Variants in TUSC3 observed in about 807,000 individuals in gnomAD.
TUSC3 encodes tumor suppressor candidate 3.
Under a neutral mutation model 44.8 loss-of-function variants are expected in TUSC3, and 45 were observed. The observed-to-expected ratio is 1.00, with a 90% CI of 0.79 to 1.29. TUSC3 has a LOEUF of 1.29. TUSC3 is among the 50% of genes most tolerant of loss of function. The probability of loss-of-function intolerance (pLI) is 0.00; values close to 1 mark genes in which losing one functional copy is unlikely to be tolerated. For missense variants in TUSC3, 519 were observed against 437.9 expected (o/e 1.19, Z -1.65); for synonymous variants, 212 against 152.9 (o/e 1.39, Z -2.85).
At chr8:15,751,088 C>T (rs190757677) in intron 9 of TUSC3, among the ~76,000 whole-genome samples, 134 of 152,182 alleles carry the variant, frequency 8.8e-4, no homozygotes, top group African/African-American at 3.1e-3. Context: ...CCATCATCTC[C>T]TGTGCTATTG....
the TUSC3 span, among the ~76,000 whole-genome samples, chr8:15,809,792 T>G: frequency 6.6e-6 from 1 of 152,224 alleles, no homozygotes; most frequent in African/African-American, 2.4e-5. Context: ...ATTATATTAC[T>G]TAACAGTTCT....
chr8:15,702,900 T>A (rs982202937), intron 6 of TUSC3, among the ~76,000 whole-genome samples: 8 of 152,122 alleles, frequency 5.3e-5, no homozygotes, highest in African/African-American at 1.9e-4. Context: ...TTGACAGTGA[T>A]TGAGAGTTTC....
the TUSC3 span, among the ~76,000 whole-genome samples, chr8:15,825,945 G>C: frequency 1.5e-5 from 2 of 137,922 alleles, no homozygotes; most frequent in African/African-American, 5.4e-5. Context: ...AAAGAAATTT[G>C]CCTAGGGAAA....
At chr8:15,466,456 C>T (rs886607777) in intron 1 of TUSC3, among the ~76,000 whole-genome samples, 1 of 151,786 alleles carries the variant, frequency 6.6e-6, no homozygotes, top group Non-Finnish European at 1.5e-5. Flanking sequence ...GATGAGTGCC[C>T]AATGTAGGAA....
downstream of TUSC3, among the ~76,000 whole-genome samples, chr8:15,769,801 C>T (rs2129227039): frequency 6.6e-6 from 1 of 152,220 alleles, no homozygotes; most frequent in Non-Finnish European, 1.5e-5. Context: ...TTATGTGGCC[C>T]ACAAACGTTA....
Position 15,743,619 on chromosome 8 carries a change from C to T in TUSC3, c.937+7C>T, listed in dbSNP as rs1370279199. ...GATGTTGGAAAAAGACGGAGTAAGTCTCTGTGTTGCCATTTTTGTAATTTC... is the reference window on the plus strand; with the variant it reads ...GATGTTGGAAAAAGACGGAGTAAGTTTCTGTGTTGCCATTTTTGTAATTTC... On this transcript the variant is annotated splice_region_variant and intron_variant, in intron 8 of 10. Coordinates refer to ENST00000503731, the MANE Select transcript of TUSC3 (RefSeq NM_006765.4). The T allele has an allele frequency of 3.1e-6, 5 of 1,613,808 alleles. No individual in the cohort carries two copies. Among genetic ancestry groups the T allele is most frequent in the Middle Eastern group, 1.7e-4 (1 of 6,060 alleles).
At chr8:15,831,286 A>C in the TUSC3 span, among the ~76,000 whole-genome samples, 9 of 152,354 alleles carry the variant, frequency 5.9e-5, 1 homozygote, top group East Asian at 7.7e-4. Flanking sequence ...GATAAAAGAA[A>C]AGAAAAAACA....
At chr8:15,508,920 G>A (rs537097579) in intron 2 of TUSC3, among the ~76,000 whole-genome samples, 20 of 152,300 alleles carry the variant, frequency 1.3e-4, no homozygotes, top group Non-Finnish European at 2.2e-4. Context: ...ACTGTCTCCA[G>A]TTTACCAAAT....
intron 9 of TUSC3, chr8:15,748,802 T>C (rs760631406): frequency 3.9e-6 from 2 of 507,414 alleles, no homozygotes; most frequent in Admixed American, 2.1e-5. Context: ...TGTTTTCTCA[T>C]ATAATTCACT....
the TUSC3 span, among the ~76,000 whole-genome samples, chr8:15,808,103 G>A: frequency 0.88 from 134,647 of 152,206 alleles, 59,681 homozygotes; most frequent in African/African-American, 0.92. Context: ...TATTATTACA[G>A]TACTCATATC....
chr8:15,612,139 T>C (rs1311358555), intron 1 of TUSC3, among the ~76,000 whole-genome samples: 1 of 152,214 alleles, frequency 6.6e-6, no homozygotes, highest in Non-Finnish European at 1.5e-5. Flanking sequence ...TGTGAATTAC[T>C]ATAAGCAAGT....
rs577867495 is a variant in TUSC3, at chr8:15,667,966, A to G, written c.708+5670A>G. Among the ~76,000 whole-genome samples the G allele has an allele frequency of 7.7e-4, 117 of 151,800 alleles. 1 individual carries two copies. Among genetic ancestry groups the G allele is most frequent in the Non-Finnish European group, 1.2e-3 (82 of 67,752 alleles). ...GGTTAAAGGAGGATGCCTTGAGCCA[A>G]TGGTGTTCTCAGCTCACCACAGGGC... On this transcript the variant is annotated intron_variant, in intron 5 of 10. Coordinates refer to ENST00000503731, the MANE Select transcript of TUSC3 (RefSeq NM_006765.4).
chr8:15,507,039 AT>A (rs1186797446), intron 2 of TUSC3, among the ~76,000 whole-genome samples: 2 of 152,278 alleles, frequency 1.3e-5, no homozygotes, highest in Middle Eastern at 3.4e-3. Context: ...TTGGGTCTTC[AT>A]TTTGAAGGCT....
chr8:15,806,859 TTAATGAAA>T, the TUSC3 span: 1 of 1,076,552 alleles, frequency 9.3e-7, no homozygotes, highest in African/African-American at 1.5e-5. Context: ...GTCTTCATAG[TTAATGAAA>T]TAATTATGTT....
chr8:15,477,198 C>A (rs767870117), intron 1 of TUSC3, among the ~76,000 whole-genome samples: 8 of 152,188 alleles, frequency 5.3e-5, no homozygotes, highest in Non-Finnish European at 1.2e-4. Flanking sequence ...TGACTCCAGA[C>A]CCTATTCTCC....
intron 2 of TUSC3, among the ~76,000 whole-genome samples, chr8:15,528,545 C>G (rs1801407269): frequency 6.6e-6 from 1 of 152,138 alleles, no homozygotes; most frequent in South Asian, 2.1e-4. Flanking sequence ...TCATATCTGT[C>G]CAAGTTCACA....
chr8:15,572,879 G>A (rs1050456731), intron 1 of TUSC3, among the ~76,000 whole-genome samples: 7 of 151,960 alleles, frequency 4.6e-5, no homozygotes, highest in Non-Finnish European at 1.0e-4. Context: ...CATTTGTGGT[G>A]CCCCAAAACA....
chr8:15,769,133 A>G (rs78205347), downstream of TUSC3, among the ~76,000 whole-genome samples: 2 of 152,224 alleles, frequency 1.3e-5, no homozygotes, highest in Non-Finnish European at 2.9e-5. Context: ...CTTAAGCAAA[A>G]AAAGAACAAA....
At chr8:15,767,014 CA>C (rs1474569355), downstream of TUSC3, among the ~76,000 whole-genome samples, 2 of 152,136 alleles carry the variant, frequency 1.3e-5, no homozygotes, top group African/African-American at 2.4e-5. Flanking sequence ...AATAGTAAAA[CA>C]AGGTCTTCTT....
Sources: gnomAD v4.1 joint callset for allele counts (sites outside exome capture counted in the v4.1 genomes callset) on GRCh38, gnomAD v4.1.1 for gene constraint, MANE v1.5 for transcripts, NCBI Gene and HGNC (gene_info 2026-07-23, HGNC 2026-07-21) for gene names.